Variants in LIMCH1 observed in about 807,000 individuals in gnomAD.
LIMCH1 encodes LIM and calponin homology domains 1.
A neutral mutation model predicts 176.5 loss-of-function variants in LIMCH1; 113 were observed. That is an observed-to-expected ratio of 0.64 (90% CI 0.55 to 0.75). The LOEUF is 0.75. LIMCH1 is among the 30% of genes least tolerant of loss of function. The pLI is 0.00. For synonymous variants in LIMCH1, 619 were observed against 645.9 expected, an observed-to-expected ratio of 0.96 and a Z score of 0.63; for missense variants, 1,674 against 1,814.9, an observed-to-expected ratio of 0.92 and a Z score of 1.41.
intron 14 of LIMCH1, among the ~76,000 whole-genome samples, chr4:41,643,242 A>T (rs1332252406): frequency 6.6e-6 from 1 of 152,020 alleles, no homozygotes; most frequent in East Asian, 1.9e-4. Flanking sequence ...GCTGCTGTTC[A>T]TTGTCTGGCC....
intron 1 of LIMCH1, among the ~76,000 whole-genome samples, chr4:41,381,985 A>G (rs1232663996): frequency 6.6e-6 from 1 of 152,218 alleles, no homozygotes; most frequent in Non-Finnish European, 1.5e-5. Context: ...ATGTCTCCAG[A>G]CATTGCCAGA....
At chr4:41,641,291 T>C (rs142359140) in intron 14 of LIMCH1, among the ~76,000 whole-genome samples, 1 of 152,136 alleles carries the variant, frequency 6.6e-6, no homozygotes, top group African/African-American at 2.4e-5. Flanking sequence ...ACCTCTTCAT[T>C]TGGGAGGCCA....
chr4:41,522,728 G>A (rs2076243061), intron 2 of LIMCH1, among the ~76,000 whole-genome samples: 2 of 152,080 alleles, frequency 1.3e-5, no homozygotes, highest in Admixed American at 1.3e-4. Flanking sequence ...GCCTGAGTGT[G>A]CTACTAACCA....
chr4:41,490,213 C>A (rs1014347788), intron 1 of LIMCH1, among the ~76,000 whole-genome samples: 1 of 151,526 alleles, frequency 6.6e-6, no homozygotes, highest in Non-Finnish European at 1.5e-5. Context: ...ACAGTTCAAA[C>A]CTGTGTTGTT....
intron 1 of LIMCH1, among the ~76,000 whole-genome samples, chr4:41,402,237 A>G (rs899619114): frequency 6.6e-6 from 1 of 152,134 alleles, no homozygotes; most frequent in East Asian, 1.9e-4. Context: ...GCTCATCATC[A>G]CTGGCCATCA....
rs2075969419 is a variant in LIMCH1, at chr4:41,520,065, CTTTA to C, written c.168-4340_168-4337del. Among the ~76,000 whole-genome samples the C allele has an allele frequency of 3.3e-5, 5 of 152,146 alleles. No individual in the cohort carries two copies. In the South Asian group the frequency reaches 1.0e-3, roughly 32 times the overall value. On this transcript the variant is annotated intron_variant, in intron 2 of 26. Coordinates refer to the LIMCH1 transcript ENST00000313860. ...ATTTTCTATATGCATGTAGTTGTAA[CTTTA>C]TTTTTTACCGATTTGCAAACAGTGA...
chr4:41,490,467 G>A (rs1047821220), intron 1 of LIMCH1, among the ~76,000 whole-genome samples: 6 of 152,054 alleles, frequency 3.9e-5, no homozygotes, highest in African/African-American at 4.8e-5. Flanking sequence ...TGAGGTTAGG[G>A]AGTGGTGATG....
intron 18 of LIMCH1, among the ~76,000 whole-genome samples, chr4:41,656,840 GTCCGAGC>G (rs2094477259): frequency 1.3e-5 from 2 of 152,202 alleles, no homozygotes; most frequent in Non-Finnish European, 2.9e-5. Context: ...TAAATGATCA[GTCCGAGC>G]TCACCAGCAA....
At chr4:41,506,761 T>C (rs2074218089) in intron 2 of LIMCH1, among the ~76,000 whole-genome samples, 1 of 152,250 alleles carries the variant, frequency 6.6e-6, no homozygotes, top group African/African-American at 2.4e-5. Flanking sequence ...TTTCTTTCTT[T>C]ATACTTTCAT....
chr4:41,692,601 T>G (rs62410257), intron 31 of LIMCH1: 6 of 461,068 alleles, frequency 1.3e-5, no homozygotes, highest in African/African-American at 9.9e-5. Context: ...TATCCTGAAG[T>G]GCATCAGCAC....
intron 18 of LIMCH1, among the ~76,000 whole-genome samples, chr4:41,657,802 A>C (rs924226630): frequency 3.3e-5 from 5 of 152,160 alleles, no homozygotes; most frequent in African/African-American, 1.2e-4. Context: ...CAGAACGTGG[A>C]CTGAACAGAA....
chr4:41,600,317 T>C lies in LIMCH1; in HGVS notation c.-134+1291T>C, dbSNP rs189794569. 1.6e-3 allele frequency among the ~76,000 whole-genome samples: 249 copies of C among 152,314 alleles called. 1 individual carries two copies. The highest frequency in any genetic ancestry group is 5.6e-3 in the African/African-American group (234 of 41,568). Reference sequence around the variant, plus strand: ...CTTAAATCTATCCTCTATAAACCATTGTTCACTTTAGGAAATTGTTTTAGG... The same window carrying C: ...CTTAAATCTATCCTCTATAAACCATCGTTCACTTTAGGAAATTGTTTTAGG... On this transcript the variant is annotated intron_variant, in intron 2 of 31. Coordinates refer to ENST00000503057, the MANE Select transcript of LIMCH1 (RefSeq NM_001330672.2).
chr4:41,386,064 A>G (rs1273691059), intron 1 of LIMCH1: 1 of 152,366 alleles, frequency 6.6e-6, no homozygotes, highest in East Asian at 1.9e-4. Flanking sequence ...TACATAGTCA[A>G]TGAATTGATA....
chr4:41,382,176 G>A (rs2055776332), intron 1 of LIMCH1, among the ~76,000 whole-genome samples: 1 of 152,200 alleles, frequency 6.6e-6, no homozygotes, highest in African/African-American at 2.4e-5. Flanking sequence ...TGTGGAATAG[G>A]TAGCTAATAC....
chr4:41,601,012 TC>T (rs2089827498), intron 2 of LIMCH1, among the ~76,000 whole-genome samples: 1 of 152,180 alleles, frequency 6.6e-6, no homozygotes, highest in South Asian at 2.1e-4. Context: ...CTTTTGTATT[TC>T]TTCTCCTCAT....
chr4:41,518,312 A>G (rs1355408119), intron 2 of LIMCH1, among the ~76,000 whole-genome samples: 1 of 152,190 alleles, frequency 6.6e-6, no homozygotes, highest in Non-Finnish European at 1.5e-5. Context: ...TTGAAGAACT[A>G]CTATATGGGC....
At chr4:41,500,485 C>T (rs73233707) in intron 2 of LIMCH1, among the ~76,000 whole-genome samples, 2,022 of 152,216 alleles carry the variant, frequency 0.013, 19 homozygotes, top group Middle Eastern at 0.034. Context: ...TAATAGCAGG[C>T]CTGTTTTACA....
At chr4:41,452,445 A>G (rs1450244800) in intron 1 of LIMCH1, among the ~76,000 whole-genome samples, 1 of 152,186 alleles carries the variant, frequency 6.6e-6, no homozygotes, top group Non-Finnish European at 1.5e-5. Flanking sequence ...TCGCTTTTCA[A>G]AGTGATTATG....
intron 18 of LIMCH1, among the ~76,000 whole-genome samples, chr4:41,655,739 G>A (rs1194403983): frequency 6.6e-6 from 1 of 151,582 alleles, no homozygotes; most frequent in East Asian, 1.9e-4. Context: ...ACCCAAGCAG[G>A]TCTCTAGCAA....
Sources: allele counts gnomAD v4.1 joint callset (sites outside exome capture counted in the v4.1 genomes callset), GRCh38; gene constraint gnomAD v4.1.1; transcripts MANE v1.5; gene names NCBI Gene and HGNC (gene_info 2026-07-23, HGNC 2026-07-21).